Variants in PBX2 observed in about 807,000 individuals in gnomAD.
The protein encoded by PBX2 is pre-B-cell leukemia transcription factor 2.
In PBX2, 10 loss-of-function variants were observed where a neutral mutation model predicts 46.5. The observed-to-expected ratio is 0.21, with a 90% CI of 0.13 to 0.36. The LOEUF (loss-of-function observed/expected upper bound fraction) is 0.36, where lower values mean the gene tolerates loss of function less well. Among genes scored for constraint, PBX2 ranks in the 10% least tolerant of loss-of-function variants. The probability of loss-of-function intolerance (pLI) is 1.00; values close to 1 mark genes in which losing one functional copy is unlikely to be tolerated. For missense variants in PBX2, 392 were observed against 580.5 expected, an observed-to-expected ratio of 0.68 and a Z score of 3.34; for synonymous variants, 160 against 222.5, an observed-to-expected ratio of 0.72 and a Z score of 2.50.
At position 32,186,729 on chromosome 6, in the gene PBX2, C is replaced by G. The variant is rs200789414; in HGVS notation, c.1114-39G>C. The stretch of plus-strand genomic sequence containing the variant: ...AGGAAGGTATGACAGTGAAGAGAAG[C>G]CTCAGAGGAAAGAGGTCTTGTATCC... On this transcript the variant is annotated intron_variant, in intron 7 of 8. Coordinates refer to ENST00000375050, the MANE Select transcript of PBX2 (RefSeq NM_002586.5). This position sits in a 1 kb window ranked among gnomAD's most constrained non-coding sequence, Gnocchi z 4.2. The G allele has an allele frequency of 1.2e-4, 197 of 1,598,932 alleles. No individual in the cohort carries two copies. Among genetic ancestry groups the G allele is most frequent in the Admixed American group, 2.2e-4 (13 of 59,968 alleles).
Position 32,186,074 on chromosome 6 carries a change from C to G in PBX2, c.*308G>C. ...GGTGTGGGAGAGGGAGAGAGAAAGA[C>G]AGAGGAGAAAAAGGGGTCTGAGAAA... is the stretch of plus-strand genomic sequence containing the variant. On this transcript the variant is annotated 3_prime_UTR_variant, in exon 9 of 9. Transcript: ENST00000375050. The surrounding 1 kb of genome is among the most constrained non-coding windows in gnomAD (Gnocchi z 4.2). 2.5e-6 allele frequency: 1 copy of G among 399,566 alleles called. No individual in the cohort carries two copies. The highest frequency in any genetic ancestry group is 4.3e-5 in the East Asian group (1 of 23,382). The allele number at this position is 399,566 out of a possible 1,614,324, so 24.8% of individuals were successfully genotyped here.
In PBX2 at chr6:32,189,805, G is replaced by A; in HGVS notation, c.111C>T (p.Pro37=). ...CCGGGACCCCCCCGCTACCCCCACC[G>A]GGGTCTCCGCCACCGGGAGGCTCGC... ...GPGEPPGGGD[P]GGGSGGVPGG... Residue 37 remains proline (P), a synonymous_variant, in exon 1 of 9, where the codon CCC becomes CCT. Coordinates refer to ENST00000375050, the MANE Select transcript of PBX2 (RefSeq NM_002586.5). This position sits in a 1 kb window ranked among gnomAD's most constrained non-coding sequence, Gnocchi z 4.7. 1.9e-6 allele frequency: 3 copies of A among 1,590,648 alleles called. No individual in the cohort carries two copies. The highest frequency in any genetic ancestry group is 2.6e-6 in the Non-Finnish European group (3 of 1,169,000).
rs1325585462 is a variant in PBX2, at chr6:32,189,795, T to C, written c.121A>G (p.Ser41Gly). The C allele has an allele frequency of 1.9e-6, 3 of 1,599,254 alleles. No individual in the cohort carries two copies. The highest frequency in any genetic ancestry group is 2.6e-6 in the Non-Finnish European group (3 of 1,173,198). Residue 41 changes from serine (S) to glycine (G), a missense_variant, in exon 1 of 9, where the codon AGC (serine) becomes GGC (glycine). Around this residue, in one of 3 missense-constraint regions of PBX2, gnomAD observed 196 missense variants for 246.9 expected, o/e 0.79. Coordinates refer to ENST00000375050, the MANE Select transcript of PBX2 (RefSeq NM_002586.5). The surrounding 1 kb of genome is among the most constrained non-coding windows in gnomAD (Gnocchi z 4.7). ...CCTCGGCCTCCCGGGACCCCCCCGC[T>C]ACCCCCACCGGGGTCTCCGCCACCG... Reference protein sequence around the residue: ...PPGGGDPGGGSGGVPGGRGKQ... With the variant: ...PPGGGDPGGGGGGVPGGRGKQ...
rs1305249977 is a variant in PBX2 at position 32,189,281 on chromosome 6, G to C, written c.221+414C>G. Among the ~76,000 whole-genome samples the C allele has an allele frequency of 6.6e-6, 1 of 152,038 alleles. No homozygotes were observed. The highest frequency in any genetic ancestry group is 1.5e-5 in the Non-Finnish European group (1 of 67,980). ...GCACCTAGTGTCTGGCTGAGCAGTG[G>C]AGAGGAGCTTTAGGGGCTCTGGAGA... On this transcript the variant is annotated intron_variant, in intron 1 of 8. Transcript: ENST00000375050. The surrounding 1 kb of genome is among the most constrained non-coding windows in gnomAD (Gnocchi z 4.7).
At position 32,188,720 on chromosome 6, in the gene PBX2, T is replaced by A. The variant is rs1444584347; in HGVS notation, c.295+3A>T. The stretch of plus-strand genomic sequence containing the variant: ...TTGAGCAATCCGGGGGGGGCCCACA[T>A]ACCAGTTTTCTCCTTGATTTCACAC... On this transcript the variant is annotated splice_donor_region_variant and intron_variant, in intron 2 of 8. Coordinates refer to ENST00000375050, the MANE Select transcript of PBX2 (RefSeq NM_002586.5). The surrounding 1 kb of genome is among the most constrained non-coding windows in gnomAD (Gnocchi z 6.5). 6.2e-7 allele frequency: 1 copy of A among 1,612,438 alleles called. No homozygotes were observed. Among genetic ancestry groups the A allele is most frequent in the African/African-American group, 1.3e-5 (1 of 74,870 alleles).
chr6:32,189,617 G>C lies in PBX2; in HGVS notation c.221+78C>G, dbSNP rs975823870. 8 of 1,102,690 alleles carry C rather than the reference G, an allele frequency of 7.3e-6. No individual in the cohort carries two copies. The highest frequency in any genetic ancestry group is 1.6e-5 in the African/African-American group (1 of 63,220). 68.3% of individuals were successfully genotyped at this position (1,102,690 alleles called of 1,614,324 possible). A position where few individuals can be genotyped will look rare whatever the true frequency, so the allele number is the denominator to read the frequency against. On this transcript the variant is annotated intron_variant, in intron 1 of 8. Transcript: ENST00000375050. The surrounding 1 kb of genome is among the most constrained non-coding windows in gnomAD (Gnocchi z 4.7). Reference sequence around the variant, plus strand: ...ATCCTGGAGAGGGCCCTGGAGTTGGGGGGGGCTCCCAGAAGATTCAGAACA... The same window carrying C: ...ATCCTGGAGAGGGCCCTGGAGTTGGCGGGGGCTCCCAGAAGATTCAGAACA...
In PBX2 at chr6:32,187,459, TGTGA is replaced by T; in HGVS notation, c.871-68_871-65del. 1 of 1,560,294 alleles carries T rather than the reference TGTGA, an allele frequency of 6.4e-7. No individual in the cohort carries two copies. Among genetic ancestry groups the T allele is most frequent in the Non-Finnish European group, 8.7e-7 (1 of 1,148,118 alleles). ...CTCTGAAGTCCTTCACTGAATAAGATGTGAGTGACAGCATTTTTTTTTTTTTTGC... is the reference window on the plus strand; with the variant it reads ...CTCTGAAGTCCTTCACTGAATAAGATGTGACAGCATTTTTTTTTTTTTTGC... On this transcript the variant is annotated intron_variant, in intron 5 of 8. Transcript: ENST00000375050. The surrounding 1 kb of genome is among the most constrained non-coding windows in gnomAD (Gnocchi z 7.7).
Position 32,186,988 on chromosome 6 carries a change from A to G in PBX2, c.1025-87T>C, listed in dbSNP as rs915210048. The G allele has an allele frequency of 4.1e-6, 5 of 1,209,308 alleles. No individual in the cohort carries two copies. The African/African-American group carries it at 4.5e-5, about 11-fold the overall frequency. 74.9% of individuals were successfully genotyped at this position (1,209,308 alleles called of 1,614,324 possible). ...CTCTCAACTCTTGTGGGGACATGCT[A>G]CTATACTCCAATTATCCACAAAATA... is the stretch of plus-strand genomic sequence containing the variant. On this transcript the variant is annotated intron_variant, in intron 6 of 8. Coordinates refer to ENST00000375050, the MANE Select transcript of PBX2 (RefSeq NM_002586.5). This position sits in a 1 kb window ranked among gnomAD's most constrained non-coding sequence, Gnocchi z 4.2.
In PBX2 at chr6:32,188,959, A is replaced by G; in HGVS notation, c.222-163T>C. 1.6e-6 allele frequency: 1 copy of G among 632,128 alleles called. No individual in the cohort carries two copies. The highest frequency in any genetic ancestry group is 2.9e-6 in the Non-Finnish European group (1 of 349,324). The allele number at this position is 632,128 out of a possible 1,614,324, so 39.2% of individuals were successfully genotyped here. ...AATGAGGAGTTCTTGGGAAAAGATC[A>G]GCTCCCAGAGCATGGGGAAGCTCCT... On this transcript the variant is annotated intron_variant, in intron 1 of 8. Transcript: ENST00000375050. The surrounding 1 kb of genome is among the most constrained non-coding windows in gnomAD (Gnocchi z 6.5).
In PBX2 at chr6:32,190,145, G is replaced by C. The variant is rs959990307; in HGVS notation, c.-230C>G. ...CCCCGGCGGCGGAGAAAATGGAGCC[G>C]GAGAGAGAGAGGAGGCCCAAGCGGG... On this transcript the variant is annotated 5_prime_UTR_variant, in exon 1 of 9. Coordinates refer to ENST00000375050, the MANE Select transcript of PBX2 (RefSeq NM_002586.5). 7 of 400,226 alleles carry C rather than the reference G, an allele frequency of 1.7e-5. No individual in the cohort carries two copies. Among genetic ancestry groups the C allele is most frequent in the Non-Finnish European group, 3.1e-5 (7 of 225,572 alleles). 24.8% of individuals were successfully genotyped at this position (400,226 alleles called of 1,614,324 possible).
Position 32,187,105 on chromosome 6 carries a change from G to C in PBX2, c.1024+137C>G. On this transcript the variant is annotated intron_variant, in intron 6 of 8. Coordinates refer to ENST00000375050, the MANE Select transcript of PBX2 (RefSeq NM_002586.5). This position sits in a 1 kb window ranked among gnomAD's most constrained non-coding sequence, Gnocchi z 7.7. ...ATCACTGGAATGGCCTCTGTCCCCTGACATCTCCAGCCTATCTCAGCTCGG... is the reference window on the plus strand; with the variant it reads ...ATCACTGGAATGGCCTCTGTCCCCTCACATCTCCAGCCTATCTCAGCTCGG... 2 of 1,190,536 alleles carry C rather than the reference G, an allele frequency of 1.7e-6. No homozygotes were observed. Among genetic ancestry groups the C allele is most frequent in the Admixed American group, 2.2e-5 (1 of 45,356 alleles). The allele number at this position is 1,190,536 out of a possible 1,614,324, so 73.7% of individuals were successfully genotyped here.
rs1447599051 is a variant in PBX2 at position 32,185,925 on chromosome 6, ATC to A, written c.*455_*456del. 1 of 166,334 alleles carries A rather than the reference ATC, an allele frequency of 6.0e-6. No individual in the cohort carries two copies. The highest frequency in any genetic ancestry group is 1.8e-4 in the East Asian group (1 of 5,712). 10.3% of individuals were successfully genotyped at this position (166,334 alleles called of 1,614,324 possible). A position where few individuals can be genotyped will look rare whatever the true frequency, so the allele number is the denominator to read the frequency against. On this transcript the variant is annotated 3_prime_UTR_variant, in exon 9 of 9. Transcript: ENST00000375050. Reference sequence around the variant, plus strand: ...CAGAAGTCATGTCCCCATTTTTGGCATCTCTGATTGGGCAGGGCTGGCGTCTC... The same window carrying A: ...CAGAAGTCATGTCCCCATTTTTGGCATCTGATTGGGCAGGGCTGGCGTCTC...
Position 32,189,895 on chromosome 6 carries a change from C to T in PBX2, c.21G>A (p.Gly7=), listed in dbSNP as rs1296943894. ...CCCGGCCCCCGCCTGGAGGGGGCGG[C>T]CCCAGTAGCCGTTCGTCCATAGCTG... MDERLL[G]PPPPGGGRGG... Residue 7 remains glycine, a synonymous_variant, in exon 1 of 9, where the codon GGG becomes GGA. Coordinates refer to ENST00000375050, the MANE Select transcript of PBX2 (RefSeq NM_002586.5). This position sits in a 1 kb window ranked among gnomAD's most constrained non-coding sequence, Gnocchi z 4.7. 10 of 1,390,442 alleles carry T rather than the reference C, an allele frequency of 7.2e-6. No homozygotes were observed. The highest frequency in any genetic ancestry group is 9.5e-6 in the Non-Finnish European group (10 of 1,054,596). 86.1% of individuals were successfully genotyped at this position (1,390,442 alleles called of 1,614,324 possible).
chr6:32,189,919 T>A lies in PBX2; in HGVS notation c.-4A>T. The A allele has an allele frequency of 3.5e-6, 4 of 1,151,288 alleles. No homozygotes were observed. Among genetic ancestry groups the A allele is most frequent in the Non-Finnish European group, 3.4e-6 (3 of 872,506 alleles). The allele number at this position is 1,151,288 out of a possible 1,614,324, so 71.3% of individuals were successfully genotyped here. A position where few individuals can be genotyped will look rare whatever the true frequency, so the allele number is the denominator to read the frequency against. ...GCCCCAGTAGCCGTTCGTCCATAGCTGGGGGGGGGCCCTGAGGCCCCCTCC... is the reference window on the plus strand; with the variant it reads ...GCCCCAGTAGCCGTTCGTCCATAGCAGGGGGGGGGCCCTGAGGCCCCCTCC... On this transcript the variant is annotated 5_prime_UTR_variant, in exon 1 of 9. Transcript: ENST00000375050. The surrounding 1 kb of genome is among the most constrained non-coding windows in gnomAD (Gnocchi z 4.7).
In PBX2 at chr6:32,189,178, G is replaced by C; in HGVS notation, c.222-382C>G. 1 of 366,804 alleles carries C rather than the reference G, an allele frequency of 2.7e-6. No homozygotes were observed. The highest frequency in any genetic ancestry group is 3.4e-5 in the South Asian group (1 of 29,582). 22.7% of individuals were successfully genotyped at this position (366,804 alleles called of 1,614,324 possible). On this transcript the variant is annotated intron_variant, in intron 1 of 8. Transcript: ENST00000375050. This position sits in a 1 kb window ranked among gnomAD's most constrained non-coding sequence, Gnocchi z 4.7. ...AGTTTGAGGTGGCAGAGTGGGGCTG[G>C]GGGTGCCGAGCTAACTGGGGAGATC... is the stretch of plus-strand genomic sequence containing the variant.
chr6:32,187,472 ATTTT>A lies in PBX2; in HGVS notation c.871-81_871-78del. 32 of 1,360,200 alleles carry A rather than the reference ATTTT, an allele frequency of 2.4e-5. No homozygotes were observed. The highest frequency in any genetic ancestry group is 5.5e-5 in the South Asian group (4 of 72,844). 84.3% of individuals were successfully genotyped at this position (1,360,200 alleles called of 1,614,324 possible). The stretch of plus-strand genomic sequence containing the variant: ...CACTGAATAAGATGTGAGTGACAGC[ATTTT>A]TTTTTTTTTTGCTTCCTGGTCTCAC... On this transcript the variant is annotated intron_variant, in intron 5 of 8. Coordinates refer to ENST00000375050, the MANE Select transcript of PBX2 (RefSeq NM_002586.5). This position sits in a 1 kb window ranked among gnomAD's most constrained non-coding sequence, Gnocchi z 7.7.
In PBX2 at chr6:32,188,619, C is replaced by T. The variant is rs1326623188; in HGVS notation, c.295+104G>A. The T allele has an allele frequency of 1.0e-5, 16 of 1,575,550 alleles. No individual in the cohort carries two copies. The highest frequency in any genetic ancestry group is 1.7e-5 in the Admixed American group (1 of 58,322). ...AGGCTTTGGTTCCTTCCCCAGTCCCCCTGACTCCTTACTTTCCTCAGGGCC... is the reference window on the plus strand; with the variant it reads ...AGGCTTTGGTTCCTTCCCCAGTCCCTCTGACTCCTTACTTTCCTCAGGGCC... On this transcript the variant is annotated intron_variant, in intron 2 of 8. Coordinates refer to ENST00000375050, the MANE Select transcript of PBX2 (RefSeq NM_002586.5). This position sits in a 1 kb window ranked among gnomAD's most constrained non-coding sequence, Gnocchi z 6.5.
At position 32,187,056 on chromosome 6, in the gene PBX2, C is replaced by T. The variant is rs1294207971; in HGVS notation, c.1025-155G>A. ...AAGAGCAGGCTGTTCCTTGGCCACC[C>T]GTGGGAAGAAAGGCAGAACTAAGAT... is the stretch of plus-strand genomic sequence containing the variant. On this transcript the variant is annotated intron_variant, in intron 6 of 8. Coordinates refer to ENST00000375050, the MANE Select transcript of PBX2 (RefSeq NM_002586.5). This position sits in a 1 kb window ranked among gnomAD's most constrained non-coding sequence, Gnocchi z 7.7. 2 of 1,024,382 alleles carry T rather than the reference C, an allele frequency of 2.0e-6. No homozygotes were observed. Among genetic ancestry groups the T allele is most frequent in the African/African-American group, 1.6e-5 (1 of 62,056 alleles). The allele number at this position is 1,024,382 out of a possible 1,614,324, so 63.5% of individuals were successfully genotyped here.
Position 32,188,708 on chromosome 6 carries a change from G to C in PBX2, c.295+15C>G, listed in dbSNP as rs540119886. 3.7e-6 allele frequency: 6 copies of C among 1,612,280 alleles called. No homozygotes were observed. The highest frequency in any genetic ancestry group is 3.4e-6 in the Non-Finnish European group (4 of 1,179,380). On this transcript the variant is annotated intron_variant, in intron 2 of 8. Transcript: ENST00000375050. The surrounding 1 kb of genome is among the most constrained non-coding windows in gnomAD (Gnocchi z 6.5). The stretch of plus-strand genomic sequence containing the variant: ...CTGTTCCCAGAGTTGAGCAATCCGG[G>C]GGGGGCCCACATACCAGTTTTCTCC...
Sources: gnomAD v4.1 joint callset for allele counts (sites outside exome capture counted in the v4.1 genomes callset) on GRCh38, gnomAD v4.1.1 for gene constraint, gnomAD v4.1.1 regional missense constraint, Gnocchi (gnomAD v3.1) non-coding constraint, MANE v1.5 for transcripts, NCBI Gene and HGNC (gene_info 2026-07-23, HGNC 2026-07-21) for gene names.